Variants in OPCML observed in about 807,000 individuals in gnomAD.
OPCML encodes opioid binding protein/cell adhesion molecule like.
Under a neutral mutation model 37.8 loss-of-function variants are expected in OPCML, and 13 were observed. The ratio of observed to expected loss-of-function variants is 0.34; its 90% confidence interval spans 0.22 to 0.55. The LOEUF is 0.55. Ranked by LOEUF, OPCML falls within the 20% of genes least tolerant of loss-of-function variation. OPCML has a pLI of 0.91. For synonymous variants in OPCML, 176 were observed against 168.8 expected (o/e 1.04, Z -0.33); for missense variants, 341 against 435.6 (o/e 0.78, Z 1.93).
intron 3 of OPCML, among the ~76,000 whole-genome samples, chr11:132,583,194 T>C (rs1477575133): frequency 6.6e-6 from 1 of 152,124 alleles, no homozygotes; most frequent in Non-Finnish European, 1.5e-5. Flanking sequence ...CCCAAGTATC[T>C]GGGATGACAG....
intron 2 of OPCML, among the ~76,000 whole-genome samples, chr11:132,782,943 A>G (rs148660596): frequency 0.025 from 3,483 of 140,490 alleles, 51 homozygotes; most frequent in Middle Eastern, 0.043. Context: ...ATATATATAT[A>G]TATGTATGTA....
intron 1 of OPCML, among the ~76,000 whole-genome samples, chr11:133,346,154 G>C (rs1193087126): frequency 6.6e-6 from 1 of 152,164 alleles, no homozygotes; most frequent in Admixed American, 6.5e-5. Context: ...CTCTTAATGA[G>C]AATTAGACTA....
At chr11:133,070,479 A>G (rs1948510194) in intron 1 of OPCML, among the ~76,000 whole-genome samples, 2 of 152,162 alleles carry the variant, frequency 1.3e-5, no homozygotes, top group Admixed American at 1.3e-4. Context: ...ACTTCCACCC[A>G]GGGATGTGAT....
intron 2 of OPCML, among the ~76,000 whole-genome samples, chr11:132,880,929 C>G (rs1420788071): frequency 1.3e-5 from 2 of 152,210 alleles, no homozygotes; most frequent in East Asian, 3.8e-4. Context: ...CTCCCCACCC[C>G]CACTTCCATT....
chr11:133,244,580 C>T (rs184819257), intron 1 of OPCML, among the ~76,000 whole-genome samples: 200 of 152,200 alleles, frequency 1.3e-3, no homozygotes, highest in Middle Eastern at 6.8e-3. Flanking sequence ...GGAGGAGGGG[C>T]CTCGTGGGAG....
chr11:132,579,225 C>A lies in OPCML; in HGVS notation c.380-50039G>T, dbSNP rs77854782. 5.6e-3 allele frequency among the ~76,000 whole-genome samples: 848 copies of A among 152,230 alleles called. 12 individuals carry two copies. The highest frequency in any genetic ancestry group is 0.019 in the African/African-American group (792 of 41,544). ...ATCGCTCACTTCCTCCAATCAAGAA[C>A]TCCTGGGCACTTTAGAAGTACAAGG... On this transcript the variant is annotated intron_variant, in intron 3 of 7. Coordinates refer to ENST00000524381, the MANE Select transcript of OPCML (RefSeq NM_001012393.5).
intron 1 of OPCML, among the ~76,000 whole-genome samples, chr11:133,321,748 A>G (rs1424287087): frequency 6.6e-6 from 1 of 152,218 alleles, no homozygotes; most frequent in African/African-American, 2.4e-5. Context: ...AATATATAAT[A>G]ACAGACAGAT....
intron 2 of OPCML, among the ~76,000 whole-genome samples, chr11:132,677,426 G>A (rs1942757909): frequency 6.6e-6 from 1 of 152,040 alleles, no homozygotes; most frequent in Non-Finnish European, 1.5e-5. Context: ...TATGTGGACA[G>A]GAAAAAGACC....
intron 2 of OPCML, among the ~76,000 whole-genome samples, chr11:132,692,257 T>C (rs1415223552): frequency 6.6e-6 from 1 of 152,082 alleles, no homozygotes; most frequent in Non-Finnish European, 1.5e-5. Context: ...TGAGCTGTTG[T>C]TCACAAAGAA....
At chr11:133,472,687 A>G (rs1947145443) in intron 1 of OPCML, among the ~76,000 whole-genome samples, 1 of 151,944 alleles carries the variant, frequency 6.6e-6, no homozygotes, top group Admixed American at 6.6e-5. Context: ...TGTGGCAATT[A>G]TGTTTTGTCT....
In OPCML at chr11:132,419,949, T is replaced by G; in HGVS notation, c.*244A>C. 3 of 485,300 alleles carry G rather than the reference T, an allele frequency of 6.2e-6. No homozygotes were observed. In the South Asian group the frequency reaches 8.4e-5, roughly 14 times the overall value. 30.1% of individuals were successfully genotyped at this position (485,300 alleles called of 1,614,324 possible). On this transcript the variant is annotated 3_prime_UTR_variant, in exon 8 of 8. Transcript: ENST00000524381. ...GTCAAGGTAGCAGGAGCAGACCCCA[T>G]TTTTGGACACACCAATGAATGATTA...
intron 1 of OPCML, among the ~76,000 whole-genome samples, chr11:133,290,636 C>A (rs1293691938): frequency 6.6e-6 from 1 of 152,164 alleles, no homozygotes; most frequent in African/African-American, 2.4e-5. Context: ...TGGGATTGTG[C>A]CAGGAGATGT....
At position 132,860,285 on chromosome 11, in the gene OPCML, T is replaced by C. The variant is rs74721928; in HGVS notation, c.146+82641A>G. On this transcript the variant is annotated intron_variant, in intron 2 of 7. Transcript: ENST00000524381. ...CACACACTTCTCATGTTCCTGAACC[T>C]GATGCAGAACAAAGGCCTGGAGGGC... is the stretch of plus-strand genomic sequence containing the variant. Among the ~76,000 whole-genome samples, 8 of 152,338 alleles carry C rather than the reference T, an allele frequency of 5.3e-5. No individual in the cohort carries two copies. The East Asian group carries it at 1.5e-3, about 29-fold the overall frequency.
chr11:132,723,001 A>G (rs1003301454), intron 2 of OPCML, among the ~76,000 whole-genome samples: 1 of 152,214 alleles, frequency 6.6e-6, no homozygotes, highest in South Asian at 2.1e-4. Context: ...CAGAGATGAT[A>G]TTCTGGAGCT....
chr11:133,124,037 A>T (rs1439948318), intron 1 of OPCML, among the ~76,000 whole-genome samples: 1 of 152,066 alleles, frequency 6.6e-6, no homozygotes, highest in African/African-American at 2.4e-5. Flanking sequence ...CACACCTTAA[A>T]GGCACAGAAA....
At chr11:133,466,586 C>T (rs945016251) in intron 1 of OPCML, among the ~76,000 whole-genome samples, 9 of 152,184 alleles carry the variant, frequency 5.9e-5, no homozygotes, top group African/African-American at 2.2e-4. Context: ...TTAAACTATG[C>T]GAACATTCGC....
At chr11:132,911,246 C>T (rs1326209604) in intron 2 of OPCML, among the ~76,000 whole-genome samples, 2 of 152,234 alleles carry the variant, frequency 1.3e-5, no homozygotes, top group Non-Finnish European at 2.9e-5. Flanking sequence ...ATTTTGATAT[C>T]TCAACAGCTG....
intron 1 of OPCML, among the ~76,000 whole-genome samples, chr11:133,144,409 T>G (rs541849064): frequency 6.6e-6 from 1 of 152,218 alleles, no homozygotes; most frequent in Non-Finnish European, 1.5e-5. Flanking sequence ...AGCAATAATG[T>G]TTTATTTCTT....
intron 1 of OPCML, among the ~76,000 whole-genome samples, chr11:133,142,744 G>C (rs1185149523): frequency 6.6e-6 from 1 of 152,078 alleles, no homozygotes; most frequent in Admixed American, 6.5e-5. Context: ...AGAGAAAGTA[G>C]GGTGAGCATG....
Sources: allele counts gnomAD v4.1 joint callset (sites outside exome capture counted in the v4.1 genomes callset), GRCh38; gene constraint gnomAD v4.1.1; transcripts MANE v1.5; gene names NCBI Gene and HGNC (gene_info 2026-07-23, HGNC 2026-07-21).